DAPK1: variants seen among roughly 807,000 people sequenced by gnomAD.
The protein encoded by DAPK1 is death associated protein kinase 1.
DAPK1 carries 56 observed loss-of-function variants against 144.9 expected under a neutral mutation model. The observed-to-expected ratio is 0.39, with a 90% CI of 0.31 to 0.48. The LOEUF is 0.48. Ranked by LOEUF, DAPK1 falls within the 20% of genes least tolerant of loss-of-function variation. The pLI, the probability that DAPK1 is intolerant of heterozygous loss-of-function variation, is 0.95. For synonymous variants in DAPK1, 690 were observed against 749.0 expected, an observed-to-expected ratio of 0.92 and a Z score of 1.29; for missense variants, 1,454 against 1,875.4, an observed-to-expected ratio of 0.78 and a Z score of 4.15.
intron 2 of DAPK1, among the ~76,000 whole-genome samples, chr9:87,565,450 GAAAGT>G (rs1439161190): frequency 6.6e-6 from 1 of 152,144 alleles, no homozygotes; most frequent in Non-Finnish European, 1.5e-5. Flanking sequence ...TATGGTTGGG[GAAAGT>G]AAAGCCAGGA....
chr9:87,508,338 T>C (rs576300406), intron 2 of DAPK1, among the ~76,000 whole-genome samples: 3 of 146,556 alleles, frequency 2.0e-5, no homozygotes, highest in Non-Finnish European at 4.5e-5. Context: ...CTTAGAAAGA[T>C]TGTCAGGATT....
At chr9:87,682,843 G>A (rs1824690604) in intron 20 of DAPK1, among the ~76,000 whole-genome samples, 1 of 152,122 alleles carries the variant, frequency 6.6e-6, no homozygotes, top group Non-Finnish European at 1.5e-5. Context: ...AGGCGCACAG[G>A]TGGCAAATCC....
chr9:87,697,003 G>A lies in DAPK1; in HGVS notation c.2414-4G>A, dbSNP rs776320161. The A allele has an allele frequency of 7.4e-6, 11 of 1,481,394 alleles. No homozygotes were observed. In the African/African-American group the frequency reaches 1.5e-4, roughly 20 times the overall value. The allele number at this position is 1,481,394 out of a possible 1,614,324, so 91.8% of individuals were successfully genotyped here. A position where few individuals can be genotyped will look rare whatever the true frequency, so the allele number is the denominator to read the frequency against. ...CGATTGTTATCATTTTTCTTTTTCT[G>A]TAGGAGTTGGCGATTTCAGCGTGTG... is the stretch of plus-strand genomic sequence containing the variant. On this transcript the variant is annotated splice_polypyrimidine_tract_variant and splice_region_variant and intron_variant, in intron 21 of 25. Coordinates refer to ENST00000408954, the MANE Select transcript of DAPK1 (RefSeq NM_004938.4).
intron 2 of DAPK1, among the ~76,000 whole-genome samples, chr9:87,534,189 T>C (rs142743368): frequency 2.5e-4 from 38 of 152,154 alleles, no homozygotes; most frequent in African/African-American, 7.7e-4. Context: ...TTTCAATATA[T>C]GTGCAATGTG....
rs577686783 is a variant in DAPK1 at position 87,654,692 on chromosome 9, A to G, written c.1824+2968A>G. Among the ~76,000 whole-genome samples the G allele has an allele frequency of 3.3e-5, 5 of 152,318 alleles. No homozygotes were observed. The South Asian group carries it at 1.0e-3, about 32-fold the overall frequency. On this transcript the variant is annotated intron_variant, in intron 17 of 25. Coordinates refer to ENST00000408954, the MANE Select transcript of DAPK1 (RefSeq NM_004938.4). ...TCTAGGATTCTTTAAATGAATCAAA[A>G]GCAGCTTCAAGGGACATCTGCACTT...
At chr9:87,690,780 A>G (rs1249689969) in intron 21 of DAPK1, among the ~76,000 whole-genome samples, 2 of 152,064 alleles carry the variant, frequency 1.3e-5, no homozygotes, top group African/African-American at 2.4e-5. Context: ...AATTTTGTCA[A>G]ATGCTTTTTC....
chr9:87,618,242 C>T (rs1829168959), intron 3 of DAPK1, among the ~76,000 whole-genome samples: 1 of 152,224 alleles, frequency 6.6e-6, no homozygotes, highest in South Asian at 2.1e-4. Context: ...TGGCGCTTCA[C>T]ACCCACTAGG....
chr9:87,501,596 T>C (rs1010549725), intron 2 of DAPK1, among the ~76,000 whole-genome samples: 1 of 152,096 alleles, frequency 6.6e-6, no homozygotes, highest in Non-Finnish European at 1.5e-5. Context: ...TTAGCAGTCA[T>C]CTAAATAATA....
intron 2 of DAPK1, among the ~76,000 whole-genome samples, chr9:87,568,036 T>G (rs1390605015): frequency 6.6e-6 from 1 of 152,132 alleles, no homozygotes; most frequent in Non-Finnish European, 1.5e-5. Context: ...AGACCAAAAC[T>G]GTGATTACAA....
intron 2 of DAPK1, chr9:87,554,412 T>C (rs147729812): frequency 2.4e-4 from 37 of 151,498 alleles, no homozygotes; most frequent in African/African-American, 8.7e-4. Flanking sequence ...GATTGTGCAA[T>C]ACTGGAAGAA....
Position 87,700,098 on chromosome 9 carries a change from G to C in DAPK1, c.2751-19G>C, listed in dbSNP as rs567316474. 5.0e-6 allele frequency: 8 copies of C among 1,607,816 alleles called. No homozygotes were observed. In the South Asian group the frequency reaches 8.8e-5, roughly 18 times the overall value. On this transcript the variant is annotated intron_variant, in intron 23 of 25. Coordinates refer to ENST00000408954, the MANE Select transcript of DAPK1 (RefSeq NM_004938.4). ...GGGACATTGACTCACTGCTGAGGAG[G>C]CTGCTGCTCTTCCCTTAGGTTTGGA...
At chr9:87,533,178 T>G (rs1480888869) in intron 2 of DAPK1, among the ~76,000 whole-genome samples, 1 of 152,170 alleles carries the variant, frequency 6.6e-6, no homozygotes, top group African/African-American at 2.4e-5. Context: ...TATATACACA[T>G]GCGTGTGTGT....
chr9:87,688,840 G>A (rs1344331496), intron 21 of DAPK1, among the ~76,000 whole-genome samples: 1 of 151,968 alleles, frequency 6.6e-6, no homozygotes, highest in Non-Finnish European at 1.5e-5. Context: ...CTTAGATTAT[G>A]CCTTTTTGGA....
At chr9:87,612,919 T>TA (rs1828977111) in intron 3 of DAPK1, among the ~76,000 whole-genome samples, 1 of 152,178 alleles carries the variant, frequency 6.6e-6, no homozygotes, top group Non-Finnish European at 1.5e-5. Context: ...TGTTAAGAAT[T>TA]ATAAAGTAAA....
At chr9:87,701,314 CATG>C (rs1379004601) in intron 24 of DAPK1, among the ~76,000 whole-genome samples, 1 of 152,088 alleles carries the variant, frequency 6.6e-6, no homozygotes, top group African/African-American at 2.4e-5. Flanking sequence ...TAAGTAAAAA[CATG>C]AAACAATAAA....
At chr9:87,607,380 C>T (rs1445466893) in intron 3 of DAPK1, among the ~76,000 whole-genome samples, 1 of 152,114 alleles carries the variant, frequency 6.6e-6, no homozygotes, top group Non-Finnish European at 1.5e-5. Flanking sequence ...CAGATAATTC[C>T]CAGGTTGTGC....
intron 2 of DAPK1, among the ~76,000 whole-genome samples, chr9:87,541,551 A>G (rs75898479): frequency 4.6e-5 from 2 of 43,926 alleles, no homozygotes; most frequent in South Asian, 1.1e-3. Flanking sequence ...TCTGTCTGGA[A>G]AAAAAAAAAA....
chr9:87,658,271 A>G, intron 18 of DAPK1, 144 bp downstream of exon 18: 1 of 598,372 alleles, frequency 1.7e-6, no homozygotes, highest in Non-Finnish European at 3.0e-6. Flanking sequence ...CACTGCGGTA[A>G]CATAGACATT....
At position 87,698,663 on chromosome 9, in the gene DAPK1, T is replaced by A; in HGVS notation, c.2619T>A (p.Gly873=). The change falls in exon 23 of 26, where the codon GGT becomes GGA. Residue 873 remains glycine, a synonymous_variant. Coordinates refer to ENST00000408954, the MANE Select transcript of DAPK1 (RefSeq NM_004938.4). ...TTCCCTCTCTGCCCCCAGCCTTCGGTGGCAAGCTGAAGAACCCACTCCAAG... is the reference window on the plus strand; with the variant it reads ...TTCCCTCTCTGCCCCCAGCCTTCGGAGGCAAGCTGAAGAACCCACTCCAAG... ...LVPVEEPIAF[G]GKLKNPLQVV... 1 of 1,604,930 alleles carries A rather than the reference T, an allele frequency of 6.2e-7. No individual in the cohort carries two copies. The highest frequency in any genetic ancestry group is 8.5e-7 in the Non-Finnish European group (1 of 1,171,992).
Sources: gnomAD v4.1 joint callset for allele counts (sites outside exome capture counted in the v4.1 genomes callset) on GRCh38, gnomAD v4.1.1 for gene constraint, MANE v1.5 for transcripts, NCBI Gene and HGNC (gene_info 2026-07-23, HGNC 2026-07-21) for gene names.